The following EMC3 variants were observed in gnomAD, a reference collection of about 807,000 sequenced individuals.
EMC3 encodes 30 kDa protein.
A neutral mutation model predicts 36.6 loss-of-function variants in EMC3; 13 were observed. The ratio of observed to expected loss-of-function variants is 0.35; its 90% confidence interval spans 0.23 to 0.56. The LOEUF (loss-of-function observed/expected upper bound fraction) is 0.56, where lower values mean the gene tolerates loss of function less well. Ranked by LOEUF, EMC3 falls within the 20% of genes least tolerant of loss-of-function variation. The pLI, the probability that EMC3 is intolerant of heterozygous loss-of-function variation, is 0.84. For missense variants in EMC3, 220 were observed against 324.5 expected (o/e 0.68, Z 2.47); for synonymous variants, 120 against 111.9 (o/e 1.07, Z -0.46).
At chr3:9,970,793 G>A in intron 5 of EMC3, 132 bp from the exon 6 acceptor site, 1 of 750,974 alleles carries the variant, frequency 1.3e-6, no homozygotes, top group East Asian at 2.6e-5. Context: ...TTCATCCAAA[G>A]CACAACCACA....
intron 1 of EMC3, among the ~76,000 whole-genome samples, chr3:9,998,571 A>G (rs1345505714): frequency 2.0e-5 from 3 of 151,628 alleles, no homozygotes; most frequent in Non-Finnish European, 4.4e-5. Context: ...CTGGGTCTAC[A>G]GGTACCTGCC....
At position 9,997,382 on chromosome 3, in the gene EMC3, A is replaced by G. The variant is rs144959479; in HGVS notation, c.-241-10480T>C. Among the ~76,000 whole-genome samples, 542 of 151,676 alleles carry G rather than the reference A, an allele frequency of 3.6e-3. 12 individuals are homozygous for G. In the South Asian group the frequency reaches 0.047, roughly 13 times the overall value. On this transcript the variant is annotated intron_variant, in intron 1 of 8. Coordinates refer to the EMC3 transcript ENST00000470827. The stretch of plus-strand genomic sequence containing the variant: ...GCCACGCCCAGCCAGCATATTTTCA[A>G]GGTTCATGTATGTTGTAGCATGCAT...
chr3:9,997,280 C>A (rs1452089609), intron 1 of EMC3, among the ~76,000 whole-genome samples: 24 of 151,550 alleles, frequency 1.6e-4, no homozygotes, highest in Admixed American at 1.6e-3. Flanking sequence ...CCGTGTTAGC[C>A]AGGATGGTCT....
chr3:9,967,249 A>G (rs1174996251), intron 7 of EMC3, among the ~76,000 whole-genome samples: 1 of 152,140 alleles, frequency 6.6e-6, no homozygotes, highest in Non-Finnish European at 1.5e-5. Context: ...ATCACAGCTC[A>G]TTGCAGCCTC....
At chr3:9,974,143 G>A (rs1057330570) in intron 4 of EMC3, among the ~76,000 whole-genome samples, 3 of 152,142 alleles carry the variant, frequency 2.0e-5, no homozygotes, top group Admixed American at 1.3e-4. Flanking sequence ...CGAGAATACC[G>A]TATTAGTTTT....
At chr3:9,993,446 G>A (rs2086080416) in intron 1 of EMC3, among the ~76,000 whole-genome samples, 1 of 124,406 alleles carries the variant, frequency 8.0e-6, no homozygotes, top group Non-Finnish European at 1.8e-5. Flanking sequence ...CAGTAGTTTG[G>A]GGTTTGGGTT....
At chr3:9,982,739 T>G (rs936051983) in intron 1 of EMC3, among the ~76,000 whole-genome samples, 9 of 151,780 alleles carry the variant, frequency 5.9e-5, no homozygotes, top group African/African-American at 1.9e-4. Flanking sequence ...ATTTAAAGAT[T>G]AGCTGAGCGT....
At chr3:9,966,891 T>A (rs1446710654) in intron 7 of EMC3, among the ~76,000 whole-genome samples, 2 of 152,202 alleles carry the variant, frequency 1.3e-5, no homozygotes, top group Non-Finnish European at 2.9e-5. Context: ...TATTTTTTTA[T>A]TGTGGTAAAA....
chr3:10,001,189 G>A (rs1380086770), intron 1 of EMC3, among the ~76,000 whole-genome samples: 1 of 152,024 alleles, frequency 6.6e-6, no homozygotes, highest in Non-Finnish European at 1.5e-5. Context: ...TTTTGCATAT[G>A]GATATCCAGT....
intron 4 of EMC3, 77 bp from the exon 5 acceptor site, chr3:9,973,786 G>T: frequency 7.4e-7 from 1 of 1,350,388 alleles, no homozygotes; most frequent in Non-Finnish European, 1.1e-6. Flanking sequence ...CTCAGAGGAG[G>T]TGGGAACTCT....
intron 1 of EMC3, among the ~76,000 whole-genome samples, chr3:9,995,325 AG>A (rs2086109832): frequency 6.6e-6 from 1 of 152,020 alleles, no homozygotes; most frequent in South Asian, 2.1e-4. Flanking sequence ...CTCAACCTAA[AG>A]GGTAAAATTT....
At chr3:9,967,826 A>G (rs1202301066) in intron 7 of EMC3, among the ~76,000 whole-genome samples, 3 of 152,232 alleles carry the variant, frequency 2.0e-5, no homozygotes, top group Admixed American at 6.5e-5. Flanking sequence ...AAGTCTTCCA[A>G]TCTATGAACA....
At chr3:9,988,547 G>A (rs1384557967), upstream of EMC3, 1 of 890,580 alleles carries the variant, frequency 1.1e-6, no homozygotes, top group East Asian at 2.4e-5. Context: ...TATAACTGAG[G>A]TAGATTGAAA....
intron 2 of EMC3, 74 bp downstream of exon 2, chr3:9,977,315 C>T: frequency 7.1e-7 from 1 of 1,398,674 alleles, no homozygotes; most frequent in Non-Finnish European, 9.8e-7. Context: ...CCCCAGAGCC[C>T]CCTTATAAAA....
intron 7 of EMC3, among the ~76,000 whole-genome samples, chr3:9,966,079 G>A (rs2085733645): frequency 6.6e-6 from 1 of 152,070 alleles, no homozygotes; most frequent in Admixed American, 6.6e-5. Flanking sequence ...AACTGTTTGA[G>A]GAAAGGCAGA....
chr3:10,003,416 A>G, intron 1 of EMC3: 1 of 361,492 alleles, frequency 2.8e-6, no homozygotes, highest in East Asian at 7.3e-5. Context: ...ACAAAAATCA[A>G]GTTGGTGGGG....
intron 1 of EMC3, chr3:10,003,391 G>C (rs1003478792): frequency 5.5e-6 from 2 of 363,042 alleles, no homozygotes; most frequent in African/African-American, 2.1e-5. Context: ...CCCCAACATA[G>C]TTGCACGGCT....
intron 5 of EMC3, among the ~76,000 whole-genome samples, chr3:9,972,513 G>A (rs373818767): frequency 3.6e-4 from 53 of 148,996 alleles, no homozygotes; most frequent in East Asian, 3.4e-3. Context: ...GCTCATGCCT[G>A]TAATCCCAGC....
intron 3 of EMC3, among the ~76,000 whole-genome samples, chr3:9,976,071 C>G (rs1049174031): frequency 6.6e-6 from 1 of 152,100 alleles, no homozygotes; most frequent in Non-Finnish European, 1.5e-5. Flanking sequence ...GGAGTCAACA[C>G]AGAACAACAA....
Sources: allele counts gnomAD v4.1 joint callset (sites outside exome capture counted in the v4.1 genomes callset), GRCh38; gene constraint gnomAD v4.1.1; transcripts MANE v1.5; gene names NCBI Gene and HGNC (gene_info 2026-07-23, HGNC 2026-07-21).